The following KCNH7 variants were observed in gnomAD, a reference collection of about 807,000 sequenced individuals.
KCNH7 encodes the protein potassium voltage-gated channel subfamily H member 7.
In KCNH7, 49 loss-of-function variants were observed where a neutral mutation model predicts 120.8. That is an observed-to-expected ratio of 0.41 (90% CI 0.32 to 0.51). The LOEUF is 0.51. KCNH7 is among the 20% of genes least tolerant of loss of function. The pLI, the probability that KCNH7 is intolerant of heterozygous loss-of-function variation, is 0.38. For missense variants in KCNH7, 1,097 were observed against 1,446.6 expected (o/e 0.76, Z 3.92); for synonymous variants, 547 against 516.1 (o/e 1.06, Z -0.81).
intron 2 of KCNH7, among the ~76,000 whole-genome samples, chr2:162,620,664 C>A (rs913772611): frequency 3.3e-5 from 5 of 152,026 alleles, no homozygotes; most frequent in East Asian, 1.9e-4. Context: ...TGCCAATTAT[C>A]TTTTTTATGG....
At chr2:162,496,423 A>C (rs1690500694) in intron 6 of KCNH7, among the ~76,000 whole-genome samples, 1 of 152,098 alleles carries the variant, frequency 6.6e-6, no homozygotes, top group African/African-American at 2.4e-5. Context: ...GAGGGGAGCC[A>C]CCTGGAATTC....
intron 2 of KCNH7, among the ~76,000 whole-genome samples, chr2:162,783,308 C>T (rs1275384450): frequency 6.6e-6 from 1 of 152,056 alleles, no homozygotes; most frequent in African/African-American, 2.4e-5. Flanking sequence ...ATTCCTTATC[C>T]CATGACACTC....
At chr2:162,481,965 C>CTATCTATCT (rs148374578) in intron 6 of KCNH7, among the ~76,000 whole-genome samples, 1 of 151,098 alleles carries the variant, frequency 6.6e-6, no homozygotes, top group African/African-American at 2.4e-5. Context: ...ATCTATCTAT[C>CTATCTATCT]ATCTATCTAT....
chr2:162,441,542 A>G (rs1688414756), intron 7 of KCNH7, among the ~76,000 whole-genome samples: 1 of 152,154 alleles, frequency 6.6e-6, no homozygotes, highest in African/African-American at 2.4e-5. Flanking sequence ...TGAAGCAAAT[A>G]ATTAATTGCA....
At chr2:162,756,172 A>G (rs754684256) in intron 2 of KCNH7, among the ~76,000 whole-genome samples, 7 of 152,196 alleles carry the variant, frequency 4.6e-5, no homozygotes, top group Non-Finnish European at 1.0e-4. Flanking sequence ...ATATAATTGT[A>G]TAAATCTTTC....
chr2:162,482,034 C>A (rs1689947448), intron 6 of KCNH7, among the ~76,000 whole-genome samples: 1 of 152,120 alleles, frequency 6.6e-6, no homozygotes, highest in East Asian at 1.9e-4. Context: ...TCTTTTTCAT[C>A]ATCATCATTA....
intron 2 of KCNH7, among the ~76,000 whole-genome samples, chr2:162,697,747 A>T (rs894327933): frequency 6.6e-6 from 1 of 151,892 alleles, no homozygotes. Flanking sequence ...TAATATTCCA[A>T]AATAATAATA....
chr2:162,739,693 C>T (rs964371945), intron 2 of KCNH7, among the ~76,000 whole-genome samples: 5 of 152,086 alleles, frequency 3.3e-5, no homozygotes, highest in African/African-American at 1.2e-4. Context: ...AGGGTCTCCT[C>T]AAAATATTTC....
intron 2 of KCNH7, among the ~76,000 whole-genome samples, chr2:162,591,164 C>A (rs954998232): frequency 2.0e-5 from 3 of 152,116 alleles, no homozygotes; most frequent in African/African-American, 4.8e-5. Flanking sequence ...ACCACTTCAC[C>A]TTTCTCAACA....
chr2:162,492,218 G>A (rs531716651), intron 6 of KCNH7, among the ~76,000 whole-genome samples: 27 of 152,310 alleles, frequency 1.8e-4, no homozygotes, highest in Admixed American at 7.2e-4. Flanking sequence ...AGCCAATCTG[G>A]TGCACTTTGT....
At chr2:162,433,118 A>T (rs1688123330) in intron 8 of KCNH7, among the ~76,000 whole-genome samples, 1 of 152,078 alleles carries the variant, frequency 6.6e-6, no homozygotes, top group Non-Finnish European at 1.5e-5. Flanking sequence ...CACTGCTGAA[A>T]GAAATCATAG....
At chr2:162,580,477 C>T (rs1490557507) in intron 2 of KCNH7, among the ~76,000 whole-genome samples, 3 of 152,052 alleles carry the variant, frequency 2.0e-5, no homozygotes, top group Non-Finnish European at 4.4e-5. Flanking sequence ...AGGGACACAG[C>T]ACAAAATTAC....
chr2:162,825,575 G>A (rs1165403949), intron 2 of KCNH7, among the ~76,000 whole-genome samples: 2 of 152,024 alleles, frequency 1.3e-5, no homozygotes, highest in East Asian at 3.9e-4. Flanking sequence ...ATACTTCTAG[G>A]ACTATTTAGT....
intron 2 of KCNH7, among the ~76,000 whole-genome samples, chr2:162,835,393 AT>A (rs1685626449): frequency 6.6e-6 from 1 of 152,044 alleles, no homozygotes; most frequent in African/African-American, 2.4e-5. Context: ...AGTATACCAA[AT>A]GATGAGTCAT....
intron 2 of KCNH7, among the ~76,000 whole-genome samples, chr2:162,551,447 G>A (rs933836889): frequency 2.0e-5 from 3 of 151,904 alleles, no homozygotes; most frequent in Non-Finnish European, 4.4e-5. Flanking sequence ...AAGAGTTGAA[G>A]TTCAGCTGTA....
chr2:162,788,189 C>G (rs1021809044), intron 2 of KCNH7, among the ~76,000 whole-genome samples: 13 of 152,134 alleles, frequency 8.5e-5, no homozygotes, highest in African/African-American at 3.1e-4. Flanking sequence ...TACAAACAGT[C>G]TCTGATTTAT....
chr2:162,583,909 T>G (rs569599621), intron 2 of KCNH7, among the ~76,000 whole-genome samples: 2 of 152,102 alleles, frequency 1.3e-5, no homozygotes, highest in Non-Finnish European at 2.9e-5. Context: ...TCTAAAAACA[T>G]TGGGGCAAGA....
chr2:162,657,396 G>A (rs2105271034), intron 2 of KCNH7, among the ~76,000 whole-genome samples: 1 of 152,206 alleles, frequency 6.6e-6, no homozygotes, highest in Middle Eastern at 3.4e-3. Context: ...ATGTTTTACA[G>A]CTGTCATCTC....
chr2:162,706,669 T>G (rs1470325317), intron 2 of KCNH7, among the ~76,000 whole-genome samples: 2 of 152,106 alleles, frequency 1.3e-5, no homozygotes, highest in East Asian at 3.9e-4. Flanking sequence ...TTTCAGAAGC[T>G]TACAGAGCTC....
Sources: allele counts gnomAD v4.1 joint callset (sites outside exome capture counted in the v4.1 genomes callset), GRCh38; gene constraint gnomAD v4.1.1; transcripts MANE v1.5; gene names NCBI Gene and HGNC (gene_info 2026-07-23, HGNC 2026-07-21).